The following LY75 variants were observed in gnomAD, a reference collection of about 807,000 sequenced individuals.
LY75 encodes the protein C-type lectin domain family 13 member B.
A neutral mutation model predicts 231.7 loss-of-function variants in LY75; 185 were observed. The ratio of observed to expected loss-of-function variants is 0.80; its 90% CI spans 0.71 to 0.90. The LOEUF (loss-of-function observed/expected upper bound fraction) is 0.90, where lower values mean the gene tolerates loss of function less well. LY75 is among the 40% of genes least tolerant of loss of function. LY75 has a pLI of 0.00. For synonymous variants in LY75, 668 were observed against 689.0 expected, an observed-to-expected ratio of 0.97 and a Z score of 0.48; for missense variants, 1,947 against 2,050.2, an observed-to-expected ratio of 0.95 and a Z score of 0.97.
chr2:159,890,404 A>G, intron 3 of LY75, 27 bp from the exon 4 acceptor site: 1 of 1,610,882 alleles, frequency 6.2e-7, no homozygotes. Context: ...GTTAGTGATC[A>G]TAAAGTAAGG....
intron 13 of LY75, among the ~76,000 whole-genome samples, chr2:159,868,303 T>G (rs919986314): frequency 2.0e-5 from 3 of 152,204 alleles, no homozygotes; most frequent in African/African-American, 7.2e-5. Flanking sequence ...TGTGCTGTTC[T>G]GTTTTCTAAA....
At chr2:159,819,560 T>G (rs1683224256) in intron 29 of LY75, among the ~76,000 whole-genome samples, 166 bp downstream of exon 29, 1 of 152,196 alleles carries the variant, frequency 6.6e-6, no homozygotes, top group Non-Finnish European at 1.5e-5. Flanking sequence ...GGTCAAAACC[T>G]TGACAGCAGG....
chr2:159,885,289 CCT>C lies in LY75; in HGVS notation c.916_917del (p.Arg306AlafsTer17). On this transcript the variant is annotated frameshift_variant and splice_region_variant, in exon 6 of 35. Coordinates refer to ENST00000263636, the MANE Select transcript of LY75 (RefSeq NM_002349.4). LOFTEE classifies it high-confidence loss of function. ...PLNFLNWDPD[R>X]PSAPTIGGSS... ...AGCCACCTATAGTAGGTGCACTGGGCCTGTCTTAAAAGGGAACATTTTTCAAA... is the reference window on the plus strand; with the variant it reads ...AGCCACCTATAGTAGGTGCACTGGGCGTCTTAAAAGGGAACATTTTTCAAA... The C allele has an allele frequency of 6.2e-7, 1 of 1,612,696 alleles. No homozygotes were observed. The highest frequency in any genetic ancestry group is 8.5e-7 in the Non-Finnish European group (1 of 1,179,266).
At chr2:159,863,993 G>A (rs2457989) in intron 14 of LY75, among the ~76,000 whole-genome samples, 5,232 of 152,232 alleles carry the variant, frequency 0.034, 253 homozygotes, top group East Asian at 0.16. Flanking sequence ...GCCTAGATGT[G>A]TAGCCTATGT....
Position 159,882,225 on chromosome 2 carries a change from C to T in LY75, c.1145G>A (p.Trp382Ter). ...TTTGCATTTCGCATGTGCCTTATCCCAGGAATTACTTTCATTTACCAGCAG... is the reference window on the plus strand; with the variant it reads ...TTTGCATTTCGCATGTGCCTTATCCTAGGAATTACTTTCATTTACCAGCAG... ...CYLLVNESNS[W>*]DKAHAKCKAF... Residue 382 changes from tryptophan (W) to a stop codon, truncating the protein, a stop_gained, in exon 7 of 35, where the codon TGG becomes TAG. Coordinates refer to ENST00000263636, the MANE Select transcript of LY75 (RefSeq NM_002349.4). LOFTEE classifies it high-confidence loss of function. The T allele has an allele frequency of 1.9e-6, 3 of 1,614,038 alleles. No homozygotes were observed. The highest frequency in any genetic ancestry group is 2.5e-6 in the Non-Finnish European group (3 of 1,179,938).
chr2:159,842,463 G>T, intron 23 of LY75, 89 bp from the exon 24 acceptor site: 1 of 1,412,276 alleles, frequency 7.1e-7, no homozygotes, highest in African/African-American at 1.5e-5. Flanking sequence ...GATTGAATTT[G>T]TCCCCCTATA....
intron 6 of LY75, among the ~76,000 whole-genome samples, chr2:159,883,962 C>G (rs980687311): frequency 1.4e-4 from 21 of 152,180 alleles, no homozygotes; most frequent in Admixed American, 1.0e-3. Flanking sequence ...TATGGTTTGG[C>G]TGTGTCCTCA....
chr2:159,840,836 T>A lies in LY75; in HGVS notation c.3400A>T (p.Ser1134Cys). ...GTGATGCTCACCAGCTGCATGTTAC[T>A]TTTCAGACACTCCCTTTTAGCACTG... is the stretch of plus-strand genomic sequence containing the variant. ...WHSAKRECLK[S>C]NMQLVSITDP... The change falls in exon 25 of 35, where the codon AGT becomes TGT. Residue 1134 changes from serine to cysteine, a missense_variant. Ser to Cys is a moderately radical substitution (Grantham distance 112). Transcript: ENST00000263636. 1.2e-6 allele frequency: 2 copies of A among 1,614,128 alleles called. No homozygotes were observed. The highest frequency in any genetic ancestry group is 1.7e-6 in the Non-Finnish European group (2 of 1,179,998).
At chr2:159,873,133 AAAGAAAGAAG>A (rs1685068066) in intron 12 of LY75, among the ~76,000 whole-genome samples, 1 of 145,286 alleles carries the variant, frequency 6.9e-6, no homozygotes, top group African/African-American at 2.5e-5. Context: ...GAAAGGAGAA[AAAGAAAGAAG>A]AAGAAAGAAG....
At position 159,852,322 on chromosome 2, in the gene LY75, T is replaced by A. The variant is rs145849100; in HGVS notation, c.2762A>T (p.Asp921Val). 1 of 1,613,672 alleles carries A rather than the reference T, an allele frequency of 6.2e-7. No individual in the cohort carries two copies. Among genetic ancestry groups the A allele is most frequent in the African/African-American group, 1.3e-5 (1 of 74,918 alleles). The part of the protein sequence containing the change: ...TWLIDLGKPT[D>V]CSTKLPFICE... Reference sequence around the variant, plus strand: ...GATGAAGGGCAACTTGGTACTACAGTCTGTTGGTTTACCTAAGTCTGAGAA... The same window carrying A: ...GATGAAGGGCAACTTGGTACTACAGACTGTTGGTTTACCTAAGTCTGAGAA... Residue 921 changes from aspartate to valine, a missense_variant, in exon 21 of 35, where the codon GAC becomes GTC. Physicochemically the swap from Asp to Val is radical, Grantham distance 152 (BLOSUM62 -3). Transcript: ENST00000263636.
intron 25 of LY75, among the ~76,000 whole-genome samples, chr2:159,840,265 T>C (rs1481763883): frequency 6.6e-6 from 1 of 152,110 alleles, no homozygotes; most frequent in East Asian, 1.9e-4. Flanking sequence ...GGAAAGATAA[T>C]TGCCTCTAAA....
intron 31 of LY75, among the ~76,000 whole-genome samples, chr2:159,811,941 A>G (rs1317977118): frequency 6.6e-6 from 1 of 152,186 alleles, no homozygotes; most frequent in African/African-American, 2.4e-5. Flanking sequence ...ACAACTCCTC[A>G]TCAATGCTGC....
chr2:159,885,654 G>A (rs1204535720), intron 5 of LY75, among the ~76,000 whole-genome samples: 1 of 152,088 alleles, frequency 6.6e-6, no homozygotes, highest in Non-Finnish European at 1.5e-5. Context: ...AAGGCCTTGA[G>A]TTAAAGATTA....
intron 11 of LY75, 137 bp from the exon 12 acceptor site, chr2:159,875,780 T>C (rs1287659742): frequency 1.9e-6 from 2 of 1,063,762 alleles, no homozygotes; most frequent in Non-Finnish European, 2.7e-6. Flanking sequence ...GAAAGAAATA[T>C]GTTGTTCAGA....
In LY75 at chr2:159,895,526, C is replaced by T. The variant is rs981521553; in HGVS notation, c.467-1442G>A. ...TTGGAATACAAAGTGCCTTGGTATA[C>T]ATTTCTGTCATTTGTTCTTTATCAT... is the stretch of plus-strand genomic sequence containing the variant. On this transcript the variant is annotated intron_variant, in intron 2 of 34. Coordinates refer to ENST00000263636, the MANE Select transcript of LY75 (RefSeq NM_002349.4). Among the ~76,000 whole-genome samples, 6 of 152,278 alleles carry T rather than the reference C, an allele frequency of 3.9e-5. No homozygotes were observed. In the South Asian group the frequency reaches 1.2e-3, roughly 32 times the overall value.
chr2:159,822,872 A>T (rs1179426626), intron 28 of LY75, among the ~76,000 whole-genome samples: 1 of 152,216 alleles, frequency 6.6e-6, no homozygotes, highest in African/African-American at 2.4e-5. Context: ...CCAGCAGCAG[A>T]GGGGCCTGTT....
intron 16 of LY75, 123 bp downstream of exon 16, chr2:159,858,239 G>A: frequency 8.3e-7 from 1 of 1,211,256 alleles, no homozygotes; most frequent in Non-Finnish European, 1.1e-6. Context: ...CATATTAATT[G>A]CATCATCATC....
chr2:159,844,868 G>A (rs572206138), intron 23 of LY75, among the ~76,000 whole-genome samples: 1 of 150,826 alleles, frequency 6.6e-6, no homozygotes, highest in East Asian at 1.9e-4. Context: ...TGGGTGTGTT[G>A]GACCCAGGTA....
At position 159,878,486 on chromosome 2, in the gene LY75, G is replaced by T. The variant is rs373637238; in HGVS notation, c.1612C>A (p.Gln538Lys). 7.4e-6 allele frequency: 12 copies of T among 1,613,688 alleles called. No homozygotes were observed. Among genetic ancestry groups the T allele is most frequent in the African/African-American group, 1.3e-5 (1 of 74,864 alleles). ...CNLTITSRFE[Q>K]EYLNDLMKKY... ...TTCATCAAATCATTTAGGTATTCTT[G>T]CTCAAATCTACAAAAGGAGAATCAA... The change falls in exon 11 of 35, where the codon CAA becomes AAA. Residue 538 changes from glutamine (Q) to lysine (K), a missense_variant. Gln to Lys is a moderately conservative substitution (Grantham distance 53, BLOSUM62 1). Transcript: ENST00000263636.
Sources: gnomAD v4.1 joint callset for allele counts (sites outside exome capture counted in the v4.1 genomes callset) on GRCh38, gnomAD v4.1.1 for gene constraint, MANE v1.5 for transcripts, NCBI Gene and HGNC (gene_info 2026-07-23, HGNC 2026-07-21) for gene names.